The following SIGLEC7 variants were observed in gnomAD, a reference collection of about 807,000 sequenced individuals.
The protein encoded by SIGLEC7 is sialic acid binding Ig like lectin 7, also known as sialic acid-binding Ig-like lectin 7.
Under a neutral mutation model 40.8 loss-of-function variants are expected in SIGLEC7, and 33 were observed. That is an observed-to-expected ratio of 0.81 (90% CI 0.61 to 1.08). The LOEUF (loss-of-function observed/expected upper bound fraction) is 1.08, where lower values mean the gene tolerates loss of function less well. Among genes scored for constraint, SIGLEC7 ranks in the 50% least tolerant of loss-of-function variants. The probability of loss-of-function intolerance (pLI) is 0.00; values close to 1 mark genes in which losing one functional copy is unlikely to be tolerated. For synonymous variants in SIGLEC7, 242 were observed against 237.6 expected (o/e 1.02, Z -0.17); for missense variants, 513 against 576.1 (o/e 0.89, Z 1.12).
chr19:51,142,698 T>C lies in SIGLEC7; in HGVS notation c.329T>C (p.Ile110Thr). The C allele has an allele frequency of 6.2e-7, 1 of 1,614,126 alleles. No homozygotes were observed. The highest frequency in any genetic ancestry group is 8.5e-7 in the Non-Finnish European group (1 of 1,180,028). Residue 110 changes from isoleucine (I) to threonine (T), a missense_variant, in exon 1 of 7, where the codon ATC becomes ACC. Physicochemically the swap from Ile to Thr is moderately conservative, Grantham distance 89. Coordinates refer to ENST00000317643, the MANE Select transcript of SIGLEC7 (RefSeq NM_014385.4). This position sits in a 1 kb window ranked among gnomAD's most constrained non-coding sequence, Gnocchi z 5.0. The stretch of plus-strand genomic sequence containing the variant: ...CAGACCAAAAATTGCACCCTGAGCA[T>C]CAGAGATGCCAGAATGAGTGATGCG... ...DPQTKNCTLSIRDARMSDAGR... is the reference protein window; with the variant it reads ...DPQTKNCTLSTRDARMSDAGR...
At position 51,145,077 on chromosome 19, in the gene SIGLEC7, C is replaced by G. The variant is rs2122893223; in HGVS notation, c.760+118C>G. ...ATATGAGACTCCCTTGTAGTTGAAC[C>G]CAGGCCTCCTCCCCATCCTTAGCCT... On this transcript the variant is annotated intron_variant, in intron 3 of 6. Coordinates refer to ENST00000317643, the MANE Select transcript of SIGLEC7 (RefSeq NM_014385.4). The surrounding 1 kb of genome is among the most constrained non-coding windows in gnomAD (Gnocchi z 4.3). 1.0e-6 allele frequency: 1 copy of G among 986,902 alleles called. No individual in the cohort carries two copies. The highest frequency in any genetic ancestry group is 1.6e-6 in the Non-Finnish European group (1 of 625,720). 61.1% of individuals were successfully genotyped at this position (986,902 alleles called of 1,614,324 possible). A position where few individuals can be genotyped will look rare whatever the true frequency, so the allele number is the denominator to read the frequency against.
Position 51,146,078 on chromosome 19 carries a change from C to T in SIGLEC7, c.984C>T (p.Ser328=), listed in dbSNP as rs1173508497. The change falls in exon 4 of 7, where the codon TCC becomes TCT. Residue 328 remains serine, a synonymous_variant. Coordinates refer to ENST00000317643, the MANE Select transcript of SIGLEC7 (RefSeq NM_014385.4). ...GTCGAGCTCAGAACTCTCTGGGTTC[C>T]CAGCACGTTTCCCTGAACCTCTCCC... ...FTCRAQNSLG[S]QHVSLNLSLQ... is the part of the protein sequence containing the mutation. The T allele has an allele frequency of 6.2e-7, 1 of 1,614,106 alleles. No homozygotes were observed. Among genetic ancestry groups the T allele is most frequent in the Non-Finnish European group, 8.5e-7 (1 of 1,180,050 alleles).
chr19:51,146,307 G>A (rs926065411), intron 4 of SIGLEC7, among the ~76,000 whole-genome samples, 186 bp downstream of exon 4: 1 of 152,176 alleles, frequency 6.6e-6, no homozygotes, highest in Admixed American at 6.5e-5. Context: ...GGCAGGAAGA[G>A]GGGAGGAGTG....
Position 51,142,774 on chromosome 19 carries a change from A to T in SIGLEC7, c.405A>T (p.Lys135Asn). 6.2e-7 allele frequency: 1 copy of T among 1,605,010 alleles called. No homozygotes were observed. Among genetic ancestry groups the T allele is most frequent in the South Asian group, 1.1e-5 (1 of 89,562 alleles). The change falls in exon 1 of 7, where the codon AAA becomes AAT. Residue 135 changes from lysine (K) to asparagine (N), a missense_variant. By Grantham distance (94) the Lys-to-Asn change is moderately conservative (BLOSUM62 0). Coordinates refer to ENST00000317643, the MANE Select transcript of SIGLEC7 (RefSeq NM_014385.4). The surrounding 1 kb of genome is among the most constrained non-coding windows in gnomAD (Gnocchi z 5.0). ...AAGGAAATATAAAATGGAATTATAA[A>T]TATGACCAGCTCTCTGTGAACGTGA... ...MEKGNIKWNYKYDQLSVNVTA... is the reference protein window; with the variant it reads ...MEKGNIKWNYNYDQLSVNVTA...
chr19:51,153,095 C>T lies in SIGLEC7; in HGVS notation c.1254C>T (p.Asn418=). Residue 418 remains asparagine (N), a synonymous_variant, in exon 7 of 7, where the codon AAC becomes AAT. Coordinates refer to ENST00000317643, the MANE Select transcript of SIGLEC7 (RefSeq NM_014385.4). ...TGACTGAGTCCTGGGCAGATGATAACCCCCGACACCATGGCCTGGCTGCCC... is the reference window on the plus strand; with the variant it reads ...TGACTGAGTCCTGGGCAGATGATAATCCCCGACACCATGGCCTGGCTGCCC... ...GNLTESWADD[N]PRHHGLAAHS... The T allele has an allele frequency of 6.2e-7, 1 of 1,603,282 alleles. No individual in the cohort carries two copies. Among genetic ancestry groups the T allele is most frequent in the Non-Finnish European group, 8.5e-7 (1 of 1,174,760 alleles).
At position 51,142,453 on chromosome 19, in the gene SIGLEC7, G is replaced by A. The variant is rs1343444368; in HGVS notation, c.84G>A (p.Leu28=). 7 of 1,614,096 alleles carry A rather than the reference G, an allele frequency of 4.3e-6. No homozygotes were observed. In the Admixed American group the frequency reaches 8.3e-5, roughly 19 times the overall value. The stretch of plus-strand genomic sequence containing the variant: ...AGAGTAACCGGAAGGATTACTCGCT[G>A]ACGATGCAGAGTTCCGTGACCGTGC... ...GQKSNRKDYS[L]TMQSSVTVQE... is the part of the protein sequence containing the mutation. The change falls in exon 1 of 7, where the codon CTG becomes CTA. Residue 28 remains leucine, a synonymous_variant. Transcript: ENST00000317643. The surrounding 1 kb of genome is among the most constrained non-coding windows in gnomAD (Gnocchi z 5.0).
rs111848841 is a variant in SIGLEC7, at chr19:51,142,370, A to ATGC, written c.20_22dup (p.Leu7dup). 1.1e-4 allele frequency: 178 copies of ATGC among 1,612,516 alleles called. No homozygotes were observed. In the African/African-American group the frequency reaches 1.9e-3, roughly 17 times the overall value. ...GGCCCTGGCACCTCCAACCCCAGAT[A>ATGC]TGCTGCTGCTGCTGCTGCTGCCCCT... On this transcript the variant is annotated inframe_insertion, in exon 1 of 7. Transcript: ENST00000317643. The surrounding 1 kb of genome is among the most constrained non-coding windows in gnomAD (Gnocchi z 5.0).
chr19:51,146,680 C>CT, intron 4 of SIGLEC7, 74 bp from the exon 5 acceptor site: 5 of 1,342,974 alleles, frequency 3.7e-6, no homozygotes, highest in Non-Finnish European at 5.3e-6. Context: ...AGTTGGGGGC[C>CT]TTATAGGAAG....
At chr19:51,150,303 AT>A (rs1239873782) in intron 6 of SIGLEC7, among the ~76,000 whole-genome samples, 1 of 152,178 alleles carries the variant, frequency 6.6e-6, no homozygotes, top group Non-Finnish European at 1.5e-5. Context: ...AGCTCTTATT[AT>A]TTTGAGATAT....
At chr19:51,151,658 G>C (rs1442066110) in intron 6 of SIGLEC7, among the ~76,000 whole-genome samples, 1 of 152,224 alleles carries the variant, frequency 6.6e-6, no homozygotes, top group East Asian at 1.9e-4. Flanking sequence ...TCCTATAGTT[G>C]AGTCAAGAAG....
rs764356360 is a variant in SIGLEC7 at position 51,145,901 on chromosome 19, C to A, written c.807C>A (p.Gly269=). ...GCTCATCTCTTTCAGTCCTAGAGGG[C>A]CAGTCTCTGCGCTTGGTCTGTGCTG... is the stretch of plus-strand genomic sequence containing the variant. ...GNSSSLSVLE[G]QSLRLVCAVD... Residue 269 remains glycine (G), a synonymous_variant, in exon 4 of 7, where the codon GGC becomes GGA. Transcript: ENST00000317643. The surrounding 1 kb of genome is among the most constrained non-coding windows in gnomAD (Gnocchi z 4.3). 1.2e-6 allele frequency: 2 copies of A among 1,614,222 alleles called. No individual in the cohort carries two copies. The highest frequency in any genetic ancestry group is 1.1e-5 in the South Asian group (1 of 91,080).
At chr19:51,146,611 C>T in intron 4 of SIGLEC7, 143 bp from the exon 5 acceptor site, 1 of 646,450 alleles carries the variant, frequency 1.5e-6, no homozygotes, top group Non-Finnish European at 2.7e-6. Flanking sequence ...AGGAGTTGTC[C>T]CTTCCTCCTC....
chr19:51,153,487 T>C lies in SIGLEC7; in HGVS notation c.*242T>C. The C allele has an allele frequency of 3.2e-6, 1 of 316,026 alleles. No homozygotes were observed. The highest frequency in any genetic ancestry group is 4.9e-5 in the East Asian group (1 of 20,338). The allele number at this position is 316,026 out of a possible 1,614,324, so 19.6% of individuals were successfully genotyped here. On this transcript the variant is annotated 3_prime_UTR_variant, in exon 7 of 7. Transcript: ENST00000317643. ...ATTCTCCTCTGTACTTCTCTAAGGA[T>C]GACTACTTTAGATTCCGAATATAGT... is the stretch of plus-strand genomic sequence containing the variant.
chr19:51,144,089 T>C, intron 1 of SIGLEC7: 1 of 648,854 alleles, frequency 1.5e-6, no homozygotes, highest in South Asian at 1.4e-5. Context: ...CAACAACTGC[T>C]CCCTGAGCAT....
chr19:51,142,684 T>C lies in SIGLEC7; in HGVS notation c.315T>C (p.Asn105=), dbSNP rs1447248342. The C allele has an allele frequency of 6.2e-7, 1 of 1,613,822 alleles. No individual in the cohort carries two copies. Among genetic ancestry groups the C allele is most frequent in the Non-Finnish European group, 8.5e-7 (1 of 1,180,012 alleles). ...TCCTTGGGGACCCACAGACCAAAAA[T>C]TGCACCCTGAGCATCAGAGATGCCA... ...FHLLGDPQTK[N]CTLSIRDARM... Residue 105 remains asparagine, a synonymous_variant, in exon 1 of 7, where the codon AAT becomes AAC. Transcript: ENST00000317643. This position sits in a 1 kb window ranked among gnomAD's most constrained non-coding sequence, Gnocchi z 5.0.
In SIGLEC7 at chr19:51,142,658, C is replaced by T. The variant is rs755904310; in HGVS notation, c.289C>T (p.Leu97Phe). Reference protein sequence around the residue: ...VQEETRDRFHLLGDPQTKNCT... With the variant: ...VQEETRDRFHFLGDPQTKNCT... ...GGAGGAAACTCGGGACCGATTCCAC[C>T]TCCTTGGGGACCCACAGACCAAAAA... is the stretch of plus-strand genomic sequence containing the variant. The change falls in exon 1 of 7, where the codon CTC becomes TTC. Residue 97 changes from leucine to phenylalanine, a missense_variant. Coordinates refer to ENST00000317643, the MANE Select transcript of SIGLEC7 (RefSeq NM_014385.4). The surrounding 1 kb of genome is among the most constrained non-coding windows in gnomAD (Gnocchi z 5.0). 2.6e-5 allele frequency: 42 copies of T among 1,614,072 alleles called. No homozygotes were observed. Among genetic ancestry groups the T allele is most frequent in the Non-Finnish European group, 3.2e-5 (38 of 1,180,056 alleles).
Position 51,144,433 on chromosome 19 carries a change from T to C in SIGLEC7, c.461T>C (p.Ile154Thr), listed in dbSNP as rs1241278396. The change falls in exon 2 of 7, where the codon ATC (isoleucine) becomes ACC (threonine). Residue 154 changes from isoleucine (I) to threonine (T), a missense_variant. Coordinates refer to ENST00000317643, the MANE Select transcript of SIGLEC7 (RefSeq NM_014385.4). Reference sequence around the variant, plus strand: ...TTGACCCACAGGCCCAACATCCTTATCCCCGGTACCCTGGAGTCTGGCTGC... The same window carrying C: ...TTGACCCACAGGCCCAACATCCTTACCCCCGGTACCCTGGAGTCTGGCTGC... ...TALTHRPNILIPGTLESGCFQ... is the reference protein window; with the variant it reads ...TALTHRPNILTPGTLESGCFQ... The C allele has an allele frequency of 3.7e-6, 6 of 1,612,010 alleles. No homozygotes were observed. Among genetic ancestry groups the C allele is most frequent in the Non-Finnish European group, 5.1e-6 (6 of 1,179,630 alleles).
chr19:51,146,788 G>A lies in SIGLEC7; in HGVS notation c.1062G>A (p.Gly354=). The A allele has an allele frequency of 3.7e-6, 6 of 1,613,946 alleles. No individual in the cohort carries two copies. The highest frequency in any genetic ancestry group is 4.2e-6 in the Non-Finnish European group (5 of 1,179,936). Reference sequence around the variant, plus strand: ...GGCCTGTATCAGGAGTGTTGCTGGGGGCGGTCGGGGGAGCTGGAGCCACAG... The same window carrying A: ...GGCCTGTATCAGGAGTGTTGCTGGGAGCGGTCGGGGGAGCTGGAGCCACAG... ...KMRPVSGVLL[G]AVGGAGATAL... Residue 354 remains glycine (G), a synonymous_variant, in exon 5 of 7, where the codon GGG becomes GGA. Transcript: ENST00000317643.
At chr19:51,144,335 G>C (rs1211510707) in intron 1 of SIGLEC7, 71 bp from the exon 2 acceptor site, 1 of 1,523,424 alleles carries the variant, frequency 6.6e-7, no homozygotes, top group African/African-American at 1.4e-5. Flanking sequence ...AGCTGAACCA[G>C]AGCCTGAGCT....
Sources: allele counts gnomAD v4.1 joint callset (sites outside exome capture counted in the v4.1 genomes callset), GRCh38; gene constraint gnomAD v4.1.1; non-coding constraint Gnocchi (gnomAD v3.1); transcripts MANE v1.5; gene names NCBI Gene and HGNC (gene_info 2026-07-23, HGNC 2026-07-21).